The following THRB variants were observed in gnomAD, a reference collection of about 807,000 sequenced individuals.
THRB encodes thyroid hormone receptor beta.
A neutral mutation model predicts 47.8 loss-of-function variants in THRB; 12 were observed. The ratio of observed to expected loss-of-function variants is 0.25; its 90% CI spans 0.16 to 0.41. The LOEUF (loss-of-function observed/expected upper bound fraction) is 0.41. Among genes scored for constraint, THRB ranks in the 10% least tolerant of loss-of-function variants. THRB has a pLI of 1.00. For missense variants in THRB, 348 were observed against 589.2 expected (o/e 0.59, Z 4.24); for synonymous variants, 218 against 212.2 (o/e 1.03, Z -0.24).
chr3:24,344,062 G>A (rs1051724488), intron 1 of THRB, among the ~76,000 whole-genome samples: 1 of 151,040 alleles, frequency 6.6e-6, no homozygotes, highest in Non-Finnish European at 1.5e-5. Flanking sequence ...TTAATTCAAA[G>A]CAATTGACAC....
chr3:24,167,178 G>C (rs1014408458), intron 5 of THRB, among the ~76,000 whole-genome samples: 1 of 152,126 alleles, frequency 6.6e-6, no homozygotes, highest in South Asian at 2.1e-4. Context: ...GACAAAATTA[G>C]AAAAGAGACC....
intron 1 of THRB, among the ~76,000 whole-genome samples, chr3:24,478,068 G>A (rs1174098440): frequency 1.3e-5 from 2 of 152,000 alleles, no homozygotes; most frequent in Admixed American, 1.3e-4. Context: ...ATGTCTTAAT[G>A]TGAAGAAGTA....
At chr3:24,234,475 G>A (rs2048665453) in intron 3 of THRB, among the ~76,000 whole-genome samples, 1 of 152,148 alleles carries the variant, frequency 6.6e-6, no homozygotes. Context: ...CTTTGTGGGT[G>A]GAAGATGAGT....
intron 3 of THRB, among the ~76,000 whole-genome samples, chr3:24,271,748 T>G (rs2053352785): frequency 6.6e-6 from 1 of 152,170 alleles, no homozygotes; most frequent in South Asian, 2.1e-4. Context: ...ATACTACATG[T>G]ACTATTACAA....
chr3:24,197,744 G>T (rs949768692), intron 4 of THRB, among the ~76,000 whole-genome samples: 13 of 152,220 alleles, frequency 8.5e-5, no homozygotes, highest in African/African-American at 2.9e-4. Flanking sequence ...ATGCAAGGCA[G>T]AGTCAGCCAT....
At chr3:24,233,583 G>GAAAGAAAGAAAGAAAGAAAGAAAAAT (rs2048511136) in intron 3 of THRB, among the ~76,000 whole-genome samples, 16 of 111,642 alleles carry the variant, frequency 1.4e-4, no homozygotes, top group East Asian at 7.0e-4. Context: ...AAGAAAGAAA[G>GAAAGAAAGAAAGAAAGAAAGAAAAAT]AAAGAAAGAA....
At chr3:24,282,109 C>T (rs2054686666) in intron 3 of THRB, among the ~76,000 whole-genome samples, 1 of 120,668 alleles carries the variant, frequency 8.3e-6, no homozygotes, top group African/African-American at 3.9e-5. Context: ...CAGAACTCTC[C>T]ACCCCAAATC....
intron 2 of THRB, among the ~76,000 whole-genome samples, chr3:24,326,120 A>T (rs965226894): frequency 6.6e-6 from 1 of 152,242 alleles, no homozygotes; most frequent in Admixed American, 6.5e-5. Context: ...TATCTGCCCC[A>T]TTCATCTGTA....
At chr3:24,384,805 G>A (rs2065968029) in intron 1 of THRB, among the ~76,000 whole-genome samples, 1 of 152,082 alleles carries the variant, frequency 6.6e-6, no homozygotes, top group Non-Finnish European at 1.5e-5. Context: ...ATGCACCCCT[G>A]ACCTATGTCA....
At chr3:24,347,898 A>G (rs929910385) in intron 1 of THRB, among the ~76,000 whole-genome samples, 1 of 152,132 alleles carries the variant, frequency 6.6e-6, no homozygotes, top group African/African-American at 2.4e-5. Context: ...TAAATACTTA[A>G]AGGAAAAACC....
chr3:24,135,036 C>G (rs1404945822), intron 8 of THRB, among the ~76,000 whole-genome samples: 8 of 152,194 alleles, frequency 5.3e-5, no homozygotes, highest in Non-Finnish European at 1.2e-4. Flanking sequence ...GTATTTGATT[C>G]AGCAGGTCAG....
chr3:24,415,280 A>G (rs543453086), intron 1 of THRB, among the ~76,000 whole-genome samples: 3 of 151,982 alleles, frequency 2.0e-5, no homozygotes, highest in South Asian at 2.1e-4. Context: ...TACTCCAGCT[A>G]CTGCTATTGC....
At chr3:24,413,805 G>A (rs895992622) in intron 1 of THRB, among the ~76,000 whole-genome samples, 1 of 151,678 alleles carries the variant, frequency 6.6e-6, no homozygotes, top group African/African-American at 2.4e-5. Context: ...CTATGAGTGA[G>A]AACATACCCC....
chr3:24,202,137 T>C (rs993783800), intron 4 of THRB, among the ~76,000 whole-genome samples: 2 of 152,276 alleles, frequency 1.3e-5, no homozygotes, highest in East Asian at 3.9e-4. Flanking sequence ...TAGATGATCA[T>C]CTCAGGCAAA....
chr3:24,379,132 TA>T (rs1383232657), intron 1 of THRB, among the ~76,000 whole-genome samples: 5 of 152,296 alleles, frequency 3.3e-5, no homozygotes, highest in Non-Finnish European at 7.4e-5. Flanking sequence ...TGCATATATG[TA>T]AATATATAAA....
At chr3:24,266,673 C>A (rs1052151552) in intron 3 of THRB, among the ~76,000 whole-genome samples, 3 of 152,064 alleles carry the variant, frequency 2.0e-5, no homozygotes, top group Non-Finnish European at 2.9e-5. Flanking sequence ...AGGTCCCCAG[C>A]AAAGGCAACA....
intron 10 of THRB, among the ~76,000 whole-genome samples, chr3:24,125,094 A>G (rs1476480660): frequency 6.6e-6 from 1 of 152,192 alleles, no homozygotes; most frequent in Non-Finnish European, 1.5e-5. Flanking sequence ...TACCTTACTT[A>G]GATTATTTGC....
At chr3:24,153,726 G>A (rs563370600) in intron 5 of THRB, among the ~76,000 whole-genome samples, 1 of 152,186 alleles carries the variant, frequency 6.6e-6, no homozygotes, top group African/African-American at 2.4e-5. Context: ...GATAAATTAT[G>A]TGATATATAG....
chr3:24,213,159 G>C (rs957022703), intron 4 of THRB, among the ~76,000 whole-genome samples: 1 of 152,222 alleles, frequency 6.6e-6, no homozygotes, highest in East Asian at 1.9e-4. Flanking sequence ...TAGGAAGTGT[G>C]TTTGGTGAAA....
Sources: allele counts gnomAD v4.1 joint callset (sites outside exome capture counted in the v4.1 genomes callset), GRCh38; gene constraint gnomAD v4.1.1; transcripts MANE v1.5; gene names NCBI Gene and HGNC (gene_info 2026-07-23, HGNC 2026-07-21).